Variants in NUDCD3 observed in about 807,000 individuals in gnomAD.
NUDCD3 encodes the protein NudC domain containing 3.
NUDCD3 carries 13 observed loss-of-function variants against 39.7 expected under a neutral mutation model. The ratio of observed to expected loss-of-function variants is 0.33; its 90% CI spans 0.21 to 0.52. The LOEUF (loss-of-function observed/expected upper bound fraction) is 0.52. Ranked by LOEUF, NUDCD3 falls within the 20% of genes least tolerant of loss-of-function variation. The pLI, the probability that NUDCD3 is intolerant of heterozygous loss-of-function variation, is 0.96. For synonymous variants in NUDCD3, 175 were observed against 172.4 expected (o/e 1.02, Z -0.12); for missense variants, 453 against 458.1 (o/e 0.99, Z 0.10).
At chr7:44,445,069 AC>A (rs1799664926) in intron 2 of NUDCD3, among the ~76,000 whole-genome samples, 1 of 151,960 alleles carries the variant, frequency 6.6e-6, no homozygotes, top group South Asian at 2.1e-4. Flanking sequence ...CCTCTGCTCC[AC>A]CTCCACCTGT....
At chr7:44,442,883 T>C (rs1384183893) in intron 2 of NUDCD3, among the ~76,000 whole-genome samples, 2 of 152,024 alleles carry the variant, frequency 1.3e-5, no homozygotes, top group Non-Finnish European at 2.9e-5. Context: ...TTTCTATTTT[T>C]AGTAGAGAAG....
At chr7:44,469,208 G>A (rs180936902) in intron 2 of NUDCD3, among the ~76,000 whole-genome samples, 157 of 150,230 alleles carry the variant, frequency 1.0e-3, no homozygotes, top group African/African-American at 3.2e-3. Context: ...ACCCTATGAG[G>A]AAGTGACTTT....
chr7:44,484,640 CACAA>C (rs891430667), intron 2 of NUDCD3: 46 of 230,636 alleles, frequency 2.0e-4, no homozygotes, highest in African/African-American at 9.0e-4. Flanking sequence ...GAGAGAAAAA[CACAA>C]ACAATCGAGC....
intron 5 of NUDCD3, among the ~76,000 whole-genome samples, chr7:44,392,057 T>C (rs1249261887): frequency 6.6e-6 from 1 of 152,238 alleles, no homozygotes; most frequent in Non-Finnish European, 1.5e-5. Flanking sequence ...TTCGAGGTCC[T>C]GTTAACTGGG....
At chr7:44,462,142 T>TAC (rs1167056289) in intron 2 of NUDCD3, among the ~76,000 whole-genome samples, 2 of 152,152 alleles carry the variant, frequency 1.3e-5, no homozygotes, top group Admixed American at 1.3e-4. Flanking sequence ...CAGGGACATG[T>TAC]ACACACACAC....
intron 1 of NUDCD3, chr7:44,490,012 GC>G (rs1800698255): frequency 5.9e-6 from 1 of 169,356 alleles, no homozygotes; most frequent in Non-Finnish European, 1.3e-5. Context: ...TCAACACAAT[GC>G]CTCCGTCATC....
intron 3 of NUDCD3, 110 bp downstream of exon 3, chr7:44,427,461 C>T: frequency 8.1e-7 from 1 of 1,231,200 alleles, no homozygotes; most frequent in South Asian, 1.5e-5. Context: ...ACACACCTCA[C>T]ATCCTAAAGC....
intron 5 of NUDCD3, among the ~76,000 whole-genome samples, chr7:44,390,238 C>T (rs1746755578): frequency 6.6e-6 from 1 of 152,124 alleles, no homozygotes; most frequent in Non-Finnish European, 1.5e-5. Flanking sequence ...GTGGTGTGCG[C>T]CTGTAGTCCC....
rs545447303 is a variant in NUDCD3, at chr7:44,426,144, C to T, written c.642+1427G>A. The T allele has an allele frequency of 1.9e-5, 19 of 985,322 alleles. No homozygotes were observed. In the Admixed American group the frequency reaches 6.2e-4, roughly 32 times the overall value. 61.0% of individuals were successfully genotyped at this position (985,322 alleles called of 1,614,324 possible). A position where few individuals can be genotyped will look rare whatever the true frequency, so the allele number is the denominator to read the frequency against. On this transcript the variant is annotated intron_variant, in intron 3 of 5. Transcript: ENST00000355451. ...GACTGGATGGGGCTTCAATGGGTCT[C>T]ACCCATGACCTGATGTAGTTTAAAG...
intron 2 of NUDCD3, among the ~76,000 whole-genome samples, chr7:44,451,624 A>G (rs1799795290): frequency 6.6e-6 from 1 of 152,026 alleles, no homozygotes; most frequent in Non-Finnish European, 1.5e-5. Flanking sequence ...AAGGATGGGA[A>G]TGGAGGTGGA....
intron 2 of NUDCD3, among the ~76,000 whole-genome samples, chr7:44,449,954 G>C (rs1799763279): frequency 6.6e-6 from 1 of 151,610 alleles, no homozygotes; most frequent in African/African-American, 2.4e-5. Flanking sequence ...CAAAGACTGG[G>C]AGAAAATATT....
intron 3 of NUDCD3, among the ~76,000 whole-genome samples, chr7:44,419,068 A>C (rs937224687): frequency 4.0e-5 from 6 of 151,894 alleles, no homozygotes; most frequent in Non-Finnish European, 8.8e-5. Flanking sequence ...TGGCACCTGG[A>C]ACCCCAGCAA....
chr7:44,410,368 A>G (rs543225655), intron 3 of NUDCD3, among the ~76,000 whole-genome samples: 9 of 152,368 alleles, frequency 5.9e-5, no homozygotes, highest in Admixed American at 5.9e-4. Context: ...AACAGAATTA[A>G]AAGTCTAAAA....
At chr7:44,407,503 T>C (rs1798849025) in intron 3 of NUDCD3, among the ~76,000 whole-genome samples, 1 of 144,954 alleles carries the variant, frequency 6.9e-6, no homozygotes, top group Non-Finnish European at 1.5e-5. Flanking sequence ...AGGCAGAGGT[T>C]GCGGTGAGCC....
chr7:44,416,276 A>G (rs956855267), intron 3 of NUDCD3, among the ~76,000 whole-genome samples: 2 of 151,940 alleles, frequency 1.3e-5, no homozygotes, highest in African/African-American at 4.8e-5. Flanking sequence ...TTTTGTAGAG[A>G]TGGGCTTTCA....
At chr7:44,433,401 T>C (rs1024264650) in intron 2 of NUDCD3, among the ~76,000 whole-genome samples, 1 of 152,034 alleles carries the variant, frequency 6.6e-6, no homozygotes, top group Non-Finnish European at 1.5e-5. Context: ...GGCTGGTGCA[T>C]GTGTACCTGC....
intron 3 of NUDCD3, among the ~76,000 whole-genome samples, chr7:44,423,722 G>A (rs1220482831): frequency 6.6e-6 from 1 of 152,138 alleles, no homozygotes; most frequent in Non-Finnish European, 1.5e-5. Flanking sequence ...ACTGCCCAAA[G>A]TAATTTATAG....
At chr7:44,482,152 C>T (rs922648232) in intron 2 of NUDCD3, among the ~76,000 whole-genome samples, 2 of 152,208 alleles carry the variant, frequency 1.3e-5, no homozygotes, top group African/African-American at 4.8e-5. Context: ...GGAGGCTGCG[C>T]ATAGAAAGAA....
At chr7:44,476,772 CT>C (rs1180422614) in intron 2 of NUDCD3, among the ~76,000 whole-genome samples, 2 of 152,140 alleles carry the variant, frequency 1.3e-5, no homozygotes, top group African/African-American at 4.8e-5. Flanking sequence ...GTCTCTGCCC[CT>C]AATCACTGAA....
Sources: allele counts gnomAD v4.1 joint callset (sites outside exome capture counted in the v4.1 genomes callset), GRCh38; gene constraint gnomAD v4.1.1; transcripts MANE v1.5; gene names NCBI Gene and HGNC (gene_info 2026-07-23, HGNC 2026-07-21).